The following PAN3 variants were observed in gnomAD, a reference collection of about 807,000 sequenced individuals.
The protein encoded by PAN3 is PAN2-PAN3 deadenylation complex subunit PAN3.
Under a neutral mutation model 96.2 loss-of-function variants are expected in PAN3, and 19 were observed. The observed-to-expected ratio is 0.20, with a 90% CI of 0.14 to 0.29. PAN3 has a LOEUF of 0.29. Among genes scored for constraint, PAN3 ranks in the 10% least tolerant of loss-of-function variants. The pLI is 1.00. For synonymous variants in PAN3, 433 were observed against 406.6 expected, an observed-to-expected ratio of 1.06 and a Z score of -0.78; for missense variants, 882 against 1,108.1, an observed-to-expected ratio of 0.80 and a Z score of 2.90.
At chr13:28,291,399 A>G (rs1869729154) in intron 18 of PAN3, among the ~76,000 whole-genome samples, 1 of 152,244 alleles carries the variant, frequency 6.6e-6, no homozygotes, top group African/African-American at 2.4e-5. Flanking sequence ...GTCATGAGTA[A>G]AGATCATATA....
At chr13:28,189,695 C>G (rs1308079375) in intron 4 of PAN3, among the ~76,000 whole-genome samples, 1 of 152,066 alleles carries the variant, frequency 6.6e-6, no homozygotes, top group Non-Finnish European at 1.5e-5. Context: ...ATCTCTCTGA[C>G]GTTATTGAGA....
At chr13:28,239,162 A>C (rs867372267) in intron 6 of PAN3, among the ~76,000 whole-genome samples, 3 of 76,808 alleles carry the variant, frequency 3.9e-5, no homozygotes, top group East Asian at 4.5e-4. Context: ...CACCCCCGCC[A>C]ACACACACAC....
rs368070330 is a variant in PAN3, at chr13:28,196,029, T to G, written c.691-1156T>G. Among the ~76,000 whole-genome samples, 14 of 151,006 alleles carry G rather than the reference T, an allele frequency of 9.3e-5. No homozygotes were observed. In the South Asian group the frequency reaches 1.1e-3, roughly 11 times the overall value. On this transcript the variant is annotated intron_variant, in intron 4 of 18. Coordinates refer to ENST00000380958, the MANE Select transcript of PAN3 (RefSeq NM_175854.8). ...GACTGGCTATAGGTTTTTTTTTGTT[T>G]TTTTTTTTTTAATAGAGACAGGGTC...
At chr13:28,254,064 A>G (rs747382772) in intron 6 of PAN3, among the ~76,000 whole-genome samples, 4 of 152,176 alleles carry the variant, frequency 2.6e-5, no homozygotes, top group Non-Finnish European at 4.4e-5. Flanking sequence ...AATGCTACAC[A>G]TAGCCCCATC....
chr13:28,178,243 C>T (rs1415373630), intron 4 of PAN3, among the ~76,000 whole-genome samples: 1 of 152,072 alleles, frequency 6.6e-6, no homozygotes, highest in Non-Finnish European at 1.5e-5. Flanking sequence ...GTTAATGTGA[C>T]CCATTGTAAG....
intron 6 of PAN3, among the ~76,000 whole-genome samples, chr13:28,243,038 T>C (rs1324895332): frequency 6.6e-6 from 1 of 152,258 alleles, no homozygotes; most frequent in Non-Finnish European, 1.5e-5. Flanking sequence ...TAAACTCTTA[T>C]TTCAAATATT....
intron 1 of PAN3, among the ~76,000 whole-genome samples, chr13:28,139,486 T>A (rs1282409840): frequency 3.0e-5 from 4 of 133,750 alleles, no homozygotes; most frequent in Non-Finnish European, 1.5e-5. Context: ...TGCAGAGTGT[T>A]GAGGTTCCCT....
chr13:28,238,908 A>G (rs1566216116), intron 6 of PAN3, among the ~76,000 whole-genome samples: 1 of 150,474 alleles, frequency 6.6e-6, no homozygotes, highest in East Asian at 1.9e-4. Context: ...ATGCATGTTG[A>G]TTTTTTTTTG....
chr13:28,224,453 G>A (rs981835771), intron 6 of PAN3, among the ~76,000 whole-genome samples: 2 of 152,152 alleles, frequency 1.3e-5, no homozygotes, highest in African/African-American at 4.8e-5. Context: ...TAATTATCAT[G>A]TGTGGGCCCT....
At chr13:28,210,928 A>G (rs1879950998) in intron 5 of PAN3, among the ~76,000 whole-genome samples, 1 of 151,986 alleles carries the variant, frequency 6.6e-6, no homozygotes, top group African/African-American at 2.4e-5. Context: ...TTTTTGAGAC[A>G]GGGTCTTGCT....
At chr13:28,235,682 T>TACACACACAC (rs143752644) in intron 6 of PAN3, among the ~76,000 whole-genome samples, 53 of 123,490 alleles carry the variant, frequency 4.3e-4, no homozygotes, top group African/African-American at 1.6e-3. Context: ...TTCTCTAATA[T>TACACACACAC]ACACACACAC....
intron 1 of PAN3, among the ~76,000 whole-genome samples, chr13:28,159,478 G>A (rs937379343): frequency 4.6e-5 from 7 of 152,194 alleles, no homozygotes; most frequent in South Asian, 4.1e-4. Flanking sequence ...ATGGAGTTTC[G>A]CTCTTGTTTC....
At chr13:28,291,124 G>A (rs1204647043) in intron 18 of PAN3, among the ~76,000 whole-genome samples, 1 of 152,108 alleles carries the variant, frequency 6.6e-6, no homozygotes, top group Non-Finnish European at 1.5e-5. Flanking sequence ...AGGATGGCCA[G>A]ATTGATTATA....
At chr13:28,157,459 CTCG>C (rs1228676121) in intron 1 of PAN3, among the ~76,000 whole-genome samples, 3 of 152,114 alleles carry the variant, frequency 2.0e-5, no homozygotes, top group Non-Finnish European at 4.4e-5. Flanking sequence ...CCTAGAAAAC[CTCG>C]TCGTCTCTGC....
At chr13:28,180,948 T>C (rs192327316) in intron 4 of PAN3, among the ~76,000 whole-genome samples, 1 of 152,168 alleles carries the variant, frequency 6.6e-6, no homozygotes. Flanking sequence ...AGTGCCAATT[T>C]AAATATTTGA....
chr13:28,212,716 TG>T (rs1241054529), intron 5 of PAN3, among the ~76,000 whole-genome samples: 2 of 152,158 alleles, frequency 1.3e-5, no homozygotes, highest in Non-Finnish European at 2.9e-5. Context: ...ATATGTTTGA[TG>T]GGATTAATGG....
At chr13:28,166,327 C>G (rs1312047736) in intron 1 of PAN3, among the ~76,000 whole-genome samples, 2 of 152,202 alleles carry the variant, frequency 1.3e-5, no homozygotes, top group Non-Finnish European at 2.9e-5. Context: ...AAGCCCAAAA[C>G]CCAGCAAGGC....
intron 7 of PAN3, 98 bp downstream of exon 7, chr13:28,256,637 T>G: frequency 7.8e-7 from 1 of 1,282,874 alleles, no homozygotes; most frequent in Non-Finnish European, 1.1e-6. Context: ...TTTATTGTGA[T>G]GCAAAAAAGT....
chr13:28,211,023 C>G (rs1422228851), intron 5 of PAN3, among the ~76,000 whole-genome samples: 1 of 152,034 alleles, frequency 6.6e-6, no homozygotes, highest in African/African-American at 2.4e-5. Flanking sequence ...TCCTGAATAG[C>G]TGGGACCACA....
Sources: gnomAD v4.1 joint callset for allele counts (sites outside exome capture counted in the v4.1 genomes callset) on GRCh38, gnomAD v4.1.1 for gene constraint, MANE v1.5 for transcripts, NCBI Gene and HGNC (gene_info 2026-07-23, HGNC 2026-07-21) for gene names.